Variants in RALGPS1 observed in about 807,000 individuals in gnomAD.
RALGPS1 encodes Ral GEF with PH domain and SH3 binding motif 1, also known as ras-specific guanine nucleotide-releasing factor RalGPS1.
Under a neutral mutation model 78.8 loss-of-function variants are expected in RALGPS1, and 19 were observed. That is an observed-to-expected ratio of 0.24 (90% CI 0.17 to 0.35). The LOEUF (loss-of-function observed/expected upper bound fraction) is 0.35, where lower values mean the gene tolerates loss of function less well. RALGPS1 is among the 10% of genes least tolerant of loss of function. The pLI, the probability that RALGPS1 is intolerant of heterozygous loss-of-function variation, is 1.00. For missense variants in RALGPS1, 454 were observed against 688.3 expected (o/e 0.66, Z 3.81); for synonymous variants, 228 against 256.3 (o/e 0.89, Z 1.06).
chr9:126,999,467 G>T (rs2043086658), intron 4 of RALGPS1, among the ~76,000 whole-genome samples: 1 of 152,214 alleles, frequency 6.6e-6, no homozygotes. Flanking sequence ...AAAATCCTCT[G>T]TGCCCCACCT....
At chr9:127,116,223 G>A (rs1354096462) in intron 8 of RALGPS1, among the ~76,000 whole-genome samples, 1 of 152,128 alleles carries the variant, frequency 6.6e-6, no homozygotes, top group Non-Finnish European at 1.5e-5. Flanking sequence ...TCTGCCTGAT[G>A]CTTTGGGCTC....
intron 4 of RALGPS1, among the ~76,000 whole-genome samples, chr9:127,001,011 A>AC (rs1247919400): frequency 2.0e-5 from 3 of 151,656 alleles, no homozygotes; most frequent in African/African-American, 7.3e-5. Context: ...GTGGTGGCTC[A>AC]CACCTATAAT....
chr9:126,962,569 C>T (rs1416007546), intron 2 of RALGPS1, among the ~76,000 whole-genome samples: 2 of 152,236 alleles, frequency 1.3e-5, no homozygotes, highest in African/African-American at 4.8e-5. Context: ...AAAACAAATA[C>T]CTGCCCAGTC....
At chr9:127,095,567 G>A (rs2053035424) in intron 8 of RALGPS1, among the ~76,000 whole-genome samples, 1 of 152,246 alleles carries the variant, frequency 6.6e-6, no homozygotes, top group African/African-American at 2.4e-5. Context: ...GCTCAGGGCA[G>A]GGTGGGGCCG....
chr9:127,160,858 G>A (rs1317158149), intron 8 of RALGPS1, among the ~76,000 whole-genome samples: 1 of 152,230 alleles, frequency 6.6e-6, no homozygotes, highest in African/African-American at 2.4e-5. Context: ...CTGTAAAATG[G>A]TGGGGAACAG....
At chr9:127,000,982 A>G (rs988761909) in intron 4 of RALGPS1, among the ~76,000 whole-genome samples, 1 of 151,532 alleles carries the variant, frequency 6.6e-6, no homozygotes, top group African/African-American at 2.4e-5. Flanking sequence ...CTTGAGAAAA[A>G]AGTAAGTTCA....
intron 7 of RALGPS1, among the ~76,000 whole-genome samples, chr9:127,061,136 A>G (rs1242472608): frequency 6.6e-6 from 1 of 152,140 alleles, no homozygotes; most frequent in Non-Finnish European, 1.5e-5. Context: ...TGAGGACATA[A>G]TAGACGCATT....
intron 11 of RALGPS1, among the ~76,000 whole-genome samples, chr9:127,187,734 C>T (rs1360342606): frequency 2.0e-5 from 3 of 152,222 alleles, no homozygotes; most frequent in African/African-American, 7.2e-5. Flanking sequence ...GCAAGATCCA[C>T]CCTCTACATG....
chr9:127,171,619 C>T (rs1223015821), intron 10 of RALGPS1, among the ~76,000 whole-genome samples: 13 of 152,134 alleles, frequency 8.5e-5, no homozygotes, highest in African/African-American at 2.2e-4. Context: ...ATTAGTCTGG[C>T]GTGGTGGCGC....
intron 5 of RALGPS1, among the ~76,000 whole-genome samples, chr9:127,048,108 A>G (rs958142344): frequency 1.3e-5 from 2 of 151,988 alleles, no homozygotes; most frequent in African/African-American, 2.4e-5. Flanking sequence ...CCTGTGTAGC[A>G]TAGTGTTTTA....
intron 1 of RALGPS1, among the ~76,000 whole-genome samples, chr9:126,924,941 C>T (rs1190464743): frequency 6.6e-6 from 1 of 151,994 alleles, no homozygotes; most frequent in African/African-American, 2.4e-5. Flanking sequence ...GCCTGACCAA[C>T]GTGGAGAAAC....
chr9:127,080,718 G>A (rs1712734454), intron 8 of RALGPS1, among the ~76,000 whole-genome samples: 1 of 152,144 alleles, frequency 6.6e-6, no homozygotes, highest in African/African-American at 2.4e-5. Context: ...TAAATATTTA[G>A]ACTGTTTCTA....
chr9:127,162,455 C>T (rs778551989), intron 8 of RALGPS1, among the ~76,000 whole-genome samples: 4 of 152,178 alleles, frequency 2.6e-5, no homozygotes, highest in Admixed American at 6.5e-5. Context: ...ATTTGTGCAG[C>T]GTTAACTGTA....
intron 12 of RALGPS1, 103 bp from the exon 13 acceptor site, chr9:127,196,371 T>G: frequency 1.5e-6 from 2 of 1,347,154 alleles, no homozygotes; most frequent in Non-Finnish European, 2.0e-6. Context: ...GGTGGAGGCC[T>G]TTTTCCTGCA....
At chr9:127,216,164 CTG>C (rs775217934) in intron 18 of RALGPS1, 9 of 152,192 alleles carry the variant, frequency 5.9e-5, no homozygotes, top group South Asian at 4.1e-4. Context: ...TCCTAGGGCT[CTG>C]TGCTCAGCTC....
intron 7 of RALGPS1, among the ~76,000 whole-genome samples, chr9:127,060,467 A>G (rs2049109372): frequency 6.6e-6 from 1 of 152,194 alleles, no homozygotes; most frequent in African/African-American, 2.4e-5. Context: ...AAAAATGTTT[A>G]GAACTATGCC....
chr9:127,050,078 A>G lies in RALGPS1; in HGVS notation c.336A>G (p.Ala112=), dbSNP rs2048165770. Reference sequence around the variant, plus strand: ...GGGTTGTACGAGAAATTCTAACAGCACAGACTTTAAAAATAAGGGCAGAAA... The same window carrying G: ...GGGTTGTACGAGAAATTCTAACAGCGCAGACTTTAAAAATAAGGGCAGAAA... The part of the protein sequence containing the change: ...SFWVVREILT[A]QTLKIRAEIL... Residue 112 remains alanine, a synonymous_variant, in exon 6 of 19, where the codon GCA becomes GCG. Coordinates refer to ENST00000259351, the MANE Select transcript of RALGPS1 (RefSeq NM_014636.3). The G allele has an allele frequency of 6.2e-7, 1 of 1,613,954 alleles. No individual in the cohort carries two copies. The highest frequency in any genetic ancestry group is 1.1e-5 in the South Asian group (1 of 91,086).
chr9:126,945,476 G>C (rs917280957), intron 1 of RALGPS1, among the ~76,000 whole-genome samples: 3 of 152,176 alleles, frequency 2.0e-5, no homozygotes, highest in African/African-American at 7.2e-5. Context: ...GGGATTAAAG[G>C]CATGAGCCAC....
intron 8 of RALGPS1, among the ~76,000 whole-genome samples, chr9:127,111,429 G>A (rs1461521542): frequency 4.6e-5 from 7 of 152,168 alleles, no homozygotes; most frequent in East Asian, 1.9e-4. Context: ...TGCCTACCAC[G>A]TGGCCTGAAA....
Sources: allele counts gnomAD v4.1 joint callset (sites outside exome capture counted in the v4.1 genomes callset), GRCh38; gene constraint gnomAD v4.1.1; transcripts MANE v1.5; gene names NCBI Gene and HGNC (gene_info 2026-07-23, HGNC 2026-07-21).